PRKD1: variants seen among roughly 807,000 people sequenced by gnomAD.
PRKD1 encodes the protein protein kinase D1.
Under a neutral mutation model 95.9 loss-of-function variants are expected in PRKD1, and 63 were observed. That is an observed-to-expected ratio of 0.66 (90% CI 0.54 to 0.81). The LOEUF is 0.81. Ranked by LOEUF, PRKD1 falls within the 30% of genes least tolerant of loss-of-function variation. PRKD1 has a pLI of 0.00. For missense variants in PRKD1, 1,048 were observed against 1,165.3 expected (o/e 0.90, Z 1.47); for synonymous variants, 425 against 423.1 (o/e 1.00, Z -0.05).
At chr14:29,654,491 G>A (rs1881720292) in intron 4 of PRKD1, among the ~76,000 whole-genome samples, 1 of 152,014 alleles carries the variant, frequency 6.6e-6, no homozygotes, top group Non-Finnish European at 1.5e-5. Context: ...TATTTATTCA[G>A]AATTTACTAG....
rs45591639 is a variant in PRKD1, at chr14:29,924,888, T to A, written c.264+2361A>T. 3.9e-3 allele frequency among the ~76,000 whole-genome samples: 589 copies of A among 152,268 alleles called. 2 individuals carry two copies. Among genetic ancestry groups the A allele is most frequent in the African/African-American group, 0.012 (514 of 41,544 alleles). ...TCCTGTGATGGACCTTCAGCTCTCT[T>A]AATTTTGTTTCTGCTGGGATAATAA... On this transcript the variant is annotated intron_variant, in intron 1 of 17. Coordinates refer to ENST00000331968, the MANE Select transcript of PRKD1 (RefSeq NM_002742.3).
Position 29,599,012 on chromosome 14 carries a change from G to A in PRKD1, c.2166+15C>T, listed in dbSNP as rs1458207781. 4.4e-6 allele frequency: 7 copies of A among 1,601,022 alleles called. No individual in the cohort carries two copies. Among genetic ancestry groups the A allele is most frequent in the Non-Finnish European group, 6.0e-6 (7 of 1,169,174 alleles). The stretch of plus-strand genomic sequence containing the variant: ...TTCCAACTGGCTTTTTGCTGAGAGA[G>A]GCTTTTATACTTGCCTGAGGAAAAG... On this transcript the variant is annotated intron_variant, in intron 15 of 17. Transcript: ENST00000331968.
At chr14:29,684,647 A>G (rs1883748477) in intron 2 of PRKD1, among the ~76,000 whole-genome samples, 1 of 152,180 alleles carries the variant, frequency 6.6e-6, no homozygotes, top group Admixed American at 6.5e-5. Context: ...GTCCCCAGCT[A>G]TATGTGTTTA....
intron 13 of PRKD1, among the ~76,000 whole-genome samples, chr14:29,600,843 T>C (rs1893489924): frequency 7.0e-6 from 1 of 143,698 alleles, no homozygotes; most frequent in Admixed American, 7.0e-5. Flanking sequence ...ATCTGAACGT[T>C]CTTCTGGGTC....
chr14:29,716,711 A>T (rs955916226), intron 2 of PRKD1, among the ~76,000 whole-genome samples: 3 of 152,224 alleles, frequency 2.0e-5, no homozygotes, highest in African/African-American at 7.2e-5. Context: ...CATCTCAGAA[A>T]GAAAGCAAGA....
chr14:29,797,675 G>C (rs1046142470), intron 1 of PRKD1, among the ~76,000 whole-genome samples: 1 of 152,170 alleles, frequency 6.6e-6, no homozygotes, highest in East Asian at 1.9e-4. Flanking sequence ...AGGGAACCTC[G>C]AAGCACCTGC....
At chr14:29,716,201 A>G (rs1885601880) in intron 2 of PRKD1, among the ~76,000 whole-genome samples, 1 of 152,164 alleles carries the variant, frequency 6.6e-6, no homozygotes. Context: ...ATAGATGAAA[A>G]GAGAAGAGAA....
intron 2 of PRKD1, among the ~76,000 whole-genome samples, chr14:29,681,112 T>C (rs1883517268): frequency 6.6e-6 from 1 of 152,226 alleles, no homozygotes; most frequent in African/African-American, 2.4e-5. Context: ...AGGAACTTCT[T>C]CCATTATTTA....
chr14:29,707,885 T>A (rs1344235415), intron 2 of PRKD1, among the ~76,000 whole-genome samples: 2 of 152,132 alleles, frequency 1.3e-5, no homozygotes, highest in Admixed American at 1.3e-4. Flanking sequence ...CTGGGATACA[T>A]CTTTCAGGCT....
chr14:29,599,683 C>T lies in PRKD1; in HGVS notation c.2040G>A (p.Glu680=), dbSNP rs768596202. The change falls in exon 14 of 18, where the codon GAG becomes GAA. Residue 680 remains glutamate, a synonymous_variant. Coordinates refer to ENST00000331968, the MANE Select transcript of PRKD1 (RefSeq NM_002742.3). ...GAGTAATTAAAAACTTCGTTATGTG[C>T]TCTGGCAACCTGCCCTTTTCACTTG... is the stretch of plus-strand genomic sequence containing the variant. ...ILSSEKGRLP[E]HITKFLITQI... 1.2e-6 allele frequency: 2 copies of T among 1,612,626 alleles called. No individual in the cohort carries two copies. The highest frequency in any genetic ancestry group is 1.7e-6 in the Non-Finnish European group (2 of 1,179,586).
At position 29,663,731 on chromosome 14, in the gene PRKD1, G is replaced by C; in HGVS notation, c.664C>G (p.Leu222Val). The change falls in exon 4 of 18, where the codon CTC (leucine) becomes GTC (valine). Residue 222 changes from leucine (L) to valine (V), a missense_variant. Coordinates refer to ENST00000331968, the MANE Select transcript of PRKD1 (RefSeq NM_002742.3). ...VSTIRTSSAE[L>V]STSAPDEPLL... The stretch of plus-strand genomic sequence containing the variant: ...GGCTCATCAGGGGCACTTGTAGAGA[G>C]TTCAGCAGATGATGTGCGGATGGTG... The C allele has an allele frequency of 1.2e-6, 2 of 1,614,070 alleles. No homozygotes were observed. The highest frequency in any genetic ancestry group is 1.7e-6 in the Non-Finnish European group (2 of 1,179,962).
intron 1 of PRKD1, among the ~76,000 whole-genome samples, chr14:29,777,598 C>A (rs999473098): frequency 4.5e-4 from 69 of 152,142 alleles, no homozygotes; most frequent in African/African-American, 1.5e-3. Flanking sequence ...AGCTAACTAT[C>A]CTAAATATAT....
At chr14:29,809,874 A>C (rs1890405048) in intron 1 of PRKD1, among the ~76,000 whole-genome samples, 1 of 152,200 alleles carries the variant, frequency 6.6e-6, no homozygotes, top group African/African-American at 2.4e-5. Flanking sequence ...AGTGTTTGGC[A>C]CAAGAGGCCA....
At chr14:29,776,750 A>T (rs1594508044) in intron 1 of PRKD1, among the ~76,000 whole-genome samples, 1 of 152,188 alleles carries the variant, frequency 6.6e-6, no homozygotes, top group Admixed American at 6.5e-5. Flanking sequence ...ACTTCCCCAA[A>T]CTAGCAAGGC....
intron 1 of PRKD1, among the ~76,000 whole-genome samples, chr14:29,737,361 A>AAAAAAAAG (rs1886780832): frequency 6.9e-6 from 1 of 144,936 alleles, no homozygotes; most frequent in African/African-American, 2.6e-5. Flanking sequence ...AAAAAAAAAA[A>AAAAAAAAG]ATACTCTGCC....
At chr14:29,745,836 G>A (rs531466192) in intron 1 of PRKD1, among the ~76,000 whole-genome samples, 1 of 152,088 alleles carries the variant, frequency 6.6e-6, no homozygotes, top group Non-Finnish European at 1.5e-5. Context: ...ATTTATCAAT[G>A]GAGGGTTCAG....
At chr14:29,625,970 A>G (rs2139095817) in intron 12 of PRKD1, among the ~76,000 whole-genome samples, 1 of 152,248 alleles carries the variant, frequency 6.6e-6, no homozygotes. Flanking sequence ...TTAGAATAAT[A>G]AACTTACCAA....
rs766914333 is a variant in PRKD1 at position 29,599,735 on chromosome 14, T to C, written c.1988A>G (p.His663Arg). The change falls in exon 14 of 18, where the codon CAT becomes CGT. Residue 663 changes from histidine (H) to arginine (R), a missense_variant. This residue lies in a region of PRKD1 where 739 missense variants were observed against 861.9 expected (regional missense o/e 0.86). Transcript: ENST00000331968. ...CAAGATCATTTCCAGCATGTCTCCA[T>C]GGAGTTTTTCCATAACAACAAACAC... is the stretch of plus-strand genomic sequence containing the variant. ...ERVFVVMEKL[H>R]GDMLEMILSS... The C allele has an allele frequency of 2.8e-5, 45 of 1,613,430 alleles. No homozygotes were observed. Among genetic ancestry groups the C allele is most frequent in the Non-Finnish European group, 3.6e-5 (43 of 1,179,752 alleles).
chr14:29,618,781 G>GAAA (rs34636619), intron 13 of PRKD1, among the ~76,000 whole-genome samples: 113 of 145,466 alleles, frequency 7.8e-4, no homozygotes, highest in Admixed American at 8.9e-4. Flanking sequence ...AAATGAAATG[G>GAAA]AAAAAAAAAA....
Sources: allele counts gnomAD v4.1 joint callset (sites outside exome capture counted in the v4.1 genomes callset), GRCh38; gene constraint gnomAD v4.1.1; regional missense constraint gnomAD v4.1.1; transcripts MANE v1.5; gene names NCBI Gene and HGNC (gene_info 2026-07-23, HGNC 2026-07-21).